SHROOM4: variants seen among roughly 807,000 people sequenced by gnomAD.
The protein encoded by SHROOM4 is shroom family member 4, also known as protein Shroom4.
A neutral mutation model predicts 80.3 loss-of-function variants in SHROOM4; 17 were observed. That is an observed-to-expected ratio of 0.21 (90% CI 0.14 to 0.32). The LOEUF (loss-of-function observed/expected upper bound fraction) is 0.32. SHROOM4 is among the 10% of genes least tolerant of loss of function. The probability of loss-of-function intolerance (pLI) is 1.00; values close to 1 mark genes in which losing one functional copy is unlikely to be tolerated. For missense variants in SHROOM4, 993 were observed against 1,140.3 expected (o/e 0.87, Z 1.86); for synonymous variants, 400 against 437.5 (o/e 0.91, Z 1.07).
chrX:50,599,929 T>A (rs1438448443), intron 7 of SHROOM4, among the ~76,000 whole-genome samples: 1 of 111,644 alleles, frequency 9.0e-6, no homozygotes, highest in Non-Finnish European at 1.9e-5. Context: ...GTAAGTTTCT[T>A]AAGGGAAGTG....
At chrX:50,688,289 C>A (rs574805958) in intron 2 of SHROOM4, among the ~76,000 whole-genome samples, 3 of 109,821 alleles carry the variant, frequency 2.7e-5, no homozygotes, top group Middle Eastern at 9.3e-3. Flanking sequence ...ATATCTATAC[C>A]CCATATCTAT....
At chrX:50,644,109 C>T (rs189133046) in intron 2 of SHROOM4, among the ~76,000 whole-genome samples, 4 of 112,200 alleles carry the variant, frequency 3.6e-5, no homozygotes, top group East Asian at 5.6e-4. Flanking sequence ...TGGTGAGATA[C>T]GAAGGCTCAC....
intron 1 of SHROOM4, among the ~76,000 whole-genome samples, chrX:50,727,378 G>A (rs1434553457): frequency 1.8e-5 from 2 of 112,014 alleles, no homozygotes; most frequent in Admixed American, 9.4e-5. Context: ...GGCATGATTG[G>A]TTTTGAAATG....
intron 1 of SHROOM4, among the ~76,000 whole-genome samples, chrX:50,813,641 C>T (rs1462899775): frequency 8.9e-6 from 1 of 112,449 alleles, no homozygotes; most frequent in Non-Finnish European, 1.9e-5. Flanking sequence ...GCAGCAAGGG[C>T]TGCCCCAGCG....
At chrX:50,742,794 C>A (rs956072444) in intron 1 of SHROOM4, among the ~76,000 whole-genome samples, 3 of 111,243 alleles carry the variant, frequency 2.7e-5, no homozygotes, top group Non-Finnish European at 5.7e-5. Flanking sequence ...ACAATTTTTT[C>A]CTTTCCATAC....
intron 7 of SHROOM4, 110 bp from the exon 8 acceptor site, chrX:50,598,645 T>A: frequency 1.1e-6 from 1 of 942,341 alleles, no homozygotes; most frequent in Non-Finnish European, 1.5e-6. Flanking sequence ...GTGGGCTCTA[T>A]CCTAGTCACT....
intron 2 of SHROOM4, among the ~76,000 whole-genome samples, chrX:50,672,337 A>C (rs782054033): frequency 1.8e-5 from 2 of 112,203 alleles, no homozygotes; most frequent in Non-Finnish European, 3.8e-5. Context: ...GGTTGCCACA[A>C]ACCTTCAATT....
intron 2 of SHROOM4, among the ~76,000 whole-genome samples, chrX:50,651,103 C>CA (rs1167285744): frequency 3.6e-5 from 4 of 110,912 alleles, no homozygotes; most frequent in African/African-American, 1.3e-4. Context: ...AACAAACCAA[C>CA]AAAAAAACAC....
At chrX:50,670,584 CTT>C (rs1307919980) in intron 2 of SHROOM4, among the ~76,000 whole-genome samples, 1 of 111,654 alleles carries the variant, frequency 9.0e-6, no homozygotes, top group African/African-American at 3.3e-5. Context: ...GTACATGTGT[CTT>C]TGTAGCAGAA....
intron 1 of SHROOM4, among the ~76,000 whole-genome samples, chrX:50,732,531 T>G (rs1385775421): frequency 8.9e-6 from 1 of 111,934 alleles, no homozygotes; most frequent in Non-Finnish European, 1.9e-5. Context: ...AACTGACAAC[T>G]CTTTGGCTAG....
chrX:50,663,366 G>A (rs1190001138), intron 2 of SHROOM4, among the ~76,000 whole-genome samples: 1 of 111,640 alleles, frequency 9.0e-6, no homozygotes, highest in Non-Finnish European at 1.9e-5. Flanking sequence ...GTCACCAAGT[G>A]CTGGCTTTGA....
chrX:50,778,083 C>T (rs977339631), intron 1 of SHROOM4, among the ~76,000 whole-genome samples: 1 of 111,624 alleles, frequency 9.0e-6, no homozygotes, highest in South Asian at 3.8e-4. Context: ...ACCAGTCTTC[C>T]AGCTGGACAT....
intron 1 of SHROOM4, among the ~76,000 whole-genome samples, chrX:50,766,305 C>A (rs1363548532): frequency 9.0e-6 from 1 of 110,915 alleles, no homozygotes; most frequent in Non-Finnish European, 1.9e-5. Flanking sequence ...CCTGCCACCA[C>A]TACTTTTTCC....
intron 4 of SHROOM4, among the ~76,000 whole-genome samples, chrX:50,632,456 A>C (rs1200659671): frequency 4.5e-5 from 5 of 111,828 alleles, no homozygotes; most frequent in African/African-American, 1.6e-4. Context: ...GGACCTAGGG[A>C]GTCCTCCCAG....
rs781968670 is a variant in SHROOM4, at chrX:50,652,736, T to G, written c.270-14428A>C. Among the ~76,000 whole-genome samples, 7 of 111,511 alleles carry G rather than the reference T, an allele frequency of 6.3e-5. No homozygotes were observed. The South Asian group carries it at 2.6e-3, about 42-fold the overall frequency. ...CATTTAAGTCTTTAATCCATCGTAA[T>G]TTTTGTATAAGGTGTAAGGAAGGGG... On this transcript the variant is annotated intron_variant, in intron 2 of 8. Coordinates refer to ENST00000376020, the MANE Select transcript of SHROOM4 (RefSeq NM_020717.5).
chrX:50,626,342 G>A (rs1557253054), intron 5 of SHROOM4, among the ~76,000 whole-genome samples: 1 of 112,171 alleles, frequency 8.9e-6, no homozygotes, highest in Non-Finnish European at 1.9e-5. Flanking sequence ...CCAGGTGCCA[G>A]GTGCTTCTTA....
chrX:50,626,220 G>T (rs1381436040), intron 5 of SHROOM4, among the ~76,000 whole-genome samples: 1 of 111,310 alleles, frequency 9.0e-6, no homozygotes, highest in African/African-American at 3.3e-5. Context: ...AACACACCCT[G>T]CTTAGTCTCC....
chrX:50,718,568 A>G (rs1297605648), intron 1 of SHROOM4, among the ~76,000 whole-genome samples: 4 of 111,163 alleles, frequency 3.6e-5, no homozygotes, highest in African/African-American at 1.3e-4. Flanking sequence ...CTAGTTAAAT[A>G]CAGCCCTGCT....
At chrX:50,742,650 G>GGC (rs1934689254) in intron 1 of SHROOM4, among the ~76,000 whole-genome samples, 2 of 99,715 alleles carry the variant, frequency 2.0e-5, no homozygotes, top group African/African-American at 7.5e-5. Flanking sequence ...TCGGGGGGGG[G>GGC]GGCAATCACA....
Sources: allele counts gnomAD v4.1 joint callset (sites outside exome capture counted in the v4.1 genomes callset), GRCh38; gene constraint gnomAD v4.1.1; transcripts MANE v1.5; gene names NCBI Gene and HGNC (gene_info 2026-07-23, HGNC 2026-07-21).